Variants in ST3GAL3 observed in about 807,000 individuals in gnomAD.
ST3GAL3 encodes the protein CMP-N-acetylneuraminate-beta-1,4-galactoside alpha-2,3-sialyltransferase.
In ST3GAL3, 21 loss-of-function variants were observed where a neutral mutation model predicts 50.1. That is an observed-to-expected ratio of 0.42 (90% CI 0.30 to 0.60). The LOEUF is 0.60. Ranked by LOEUF, ST3GAL3 falls within the 20% of genes least tolerant of loss-of-function variation. The pLI is 0.19. For synonymous variants in ST3GAL3, 183 were observed against 190.0 expected (o/e 0.96, Z 0.30); for missense variants, 353 against 489.4 (o/e 0.72, Z 2.63).
At chr1:43,811,002 T>C (rs912503836) in intron 3 of ST3GAL3, among the ~76,000 whole-genome samples, 2 of 152,158 alleles carry the variant, frequency 1.3e-5, no homozygotes, top group African/African-American at 4.8e-5. Flanking sequence ...TTCCCCTGAG[T>C]TAGTGCAACC....
chr1:43,854,766 A>G (rs2068017035), intron 5 of ST3GAL3, among the ~76,000 whole-genome samples: 1 of 152,200 alleles, frequency 6.6e-6, no homozygotes, highest in African/African-American at 2.4e-5. Context: ...TTCTTATTTC[A>G]GGAAATGGCA....
intron 9 of ST3GAL3, chr1:43,914,256 C>T (rs972184627): frequency 3.3e-5 from 5 of 152,196 alleles, no homozygotes; most frequent in South Asian, 2.1e-4. Context: ...TGAAGTCAAA[C>T]GCAGCTCAGA....
Position 43,707,548 on chromosome 1 carries a change from C to T in ST3GAL3, c.-176C>T, listed in dbSNP as rs1472919895. The T allele has an allele frequency of 6.6e-6, 1 of 151,866 alleles. No homozygotes were observed. Among genetic ancestry groups the T allele is most frequent in the Non-Finnish European group, 1.5e-5 (1 of 67,992 alleles). 9.4% of individuals were successfully genotyped at this position (151,866 alleles called of 1,614,324 possible). ...CGCTCCGCCCGCCGCTGCGTCCCCACTATGGCGGCGCCCATGCAGCCCAGC... is the reference window on the plus strand; with the variant it reads ...CGCTCCGCCCGCCGCTGCGTCCCCATTATGGCGGCGCCCATGCAGCCCAGC... On this transcript the variant is annotated 5_prime_UTR_variant, in exon 1 of 12. Coordinates refer to ENST00000347631, the MANE Select transcript of ST3GAL3 (RefSeq NM_006279.5).
intron 2 of ST3GAL3, among the ~76,000 whole-genome samples, chr1:43,747,507 C>T (rs7549094): frequency 1.3e-5 from 2 of 150,228 alleles, no homozygotes; most frequent in African/African-American, 4.9e-5. Context: ...GCCACTCTCC[C>T]GCACCTCCAC....
intron 5 of ST3GAL3, among the ~76,000 whole-genome samples, chr1:43,877,204 G>A (rs539869927): frequency 6.6e-6 from 1 of 152,328 alleles, no homozygotes; most frequent in African/African-American, 2.4e-5. Flanking sequence ...GGCAGCTATA[G>A]TATTTTCCTG....
chr1:43,743,088 CAAAA>C (rs34742553), intron 2 of ST3GAL3, among the ~76,000 whole-genome samples: 4 of 108,528 alleles, frequency 3.7e-5, no homozygotes, highest in Admixed American at 1.8e-4. Flanking sequence ...GACTCCGTCT[CAAAA>C]AAAAAAAAAA....
chr1:43,858,366 A>T (rs2069035248), intron 5 of ST3GAL3: 2 of 1,215,482 alleles, frequency 1.6e-6, no homozygotes, highest in Admixed American at 2.9e-5. Flanking sequence ...TCCTTTGCAG[A>T]CCAGTTCCAG....
Position 43,767,124 on chromosome 1 carries a change from G to GT in ST3GAL3, c.119-24977dup, listed in dbSNP as rs141420449. ...CTAGATTGCGAGAGAAAGAAAAGAG[G>GT]TAGGGATACCAATAGCCACAGCACT... On this transcript the variant is annotated intron_variant, in intron 2 of 11. Coordinates refer to ENST00000347631, the MANE Select transcript of ST3GAL3 (RefSeq NM_006279.5). Among the ~76,000 whole-genome samples, 1,417 of 152,282 alleles carry GT rather than the reference G, an allele frequency of 9.3e-3. 29 individuals are homozygous for GT. Among genetic ancestry groups the GT allele is most frequent in the African/African-American group, 0.032 (1,337 of 41,548 alleles).
At chr1:43,907,285 C>T (rs1195401502) in intron 9 of ST3GAL3, among the ~76,000 whole-genome samples, 1 of 152,232 alleles carries the variant, frequency 6.6e-6, no homozygotes, top group African/African-American at 2.4e-5. Flanking sequence ...TCCCGTTCTT[C>T]AAGCACAGTC....
intron 3 of ST3GAL3, among the ~76,000 whole-genome samples, chr1:43,802,351 T>C (rs1305945225): frequency 6.6e-6 from 1 of 152,232 alleles, no homozygotes; most frequent in Non-Finnish European, 1.5e-5. Context: ...TTCTTCCTTT[T>C]CCTTAATCAA....
chr1:43,913,427 T>G (rs946237), intron 9 of ST3GAL3: 147,375 of 152,280 alleles, frequency 0.97, 71,496 homozygotes, highest in East Asian at 1. Context: ...AATGTGCCCC[T>G]GGTCACAGAG....
At chr1:43,904,372 G>A (rs1405272767) in intron 9 of ST3GAL3, among the ~76,000 whole-genome samples, 2 of 151,486 alleles carry the variant, frequency 1.3e-5, no homozygotes, top group East Asian at 2.0e-4. Context: ...TCCTGCTCCC[G>A]AGCCAGCATT....
rs748024921 is a variant in ST3GAL3, at chr1:43,838,313, TA to T, written c.302+4del. 1 of 1,613,110 alleles carries T rather than the reference TA, an allele frequency of 6.2e-7. No individual in the cohort carries two copies. The highest frequency in any genetic ancestry group is 8.5e-7 in the Non-Finnish European group (1 of 1,179,436). Reference sequence around the variant, plus strand: ...CTTGATGACGGCCATCTTCCCCCGGTAAGTGCTCCTGTTTCCCTCCACTGCC... The same window carrying T: ...CTTGATGACGGCCATCTTCCCCCGGTAGTGCTCCTGTTTCCCTCCACTGCC... On this transcript the variant is annotated splice_donor_region_variant and intron_variant, in intron 5 of 11. Transcript: ENST00000347631.
intron 1 of ST3GAL3, among the ~76,000 whole-genome samples, chr1:43,723,990 C>G (rs1219080727): frequency 6.6e-6 from 1 of 152,134 alleles, no homozygotes; most frequent in Non-Finnish European, 1.5e-5. Flanking sequence ...AAGAGGATGA[C>G]ATTGCTTTGG....
At chr1:43,861,885 G>T (rs192634744) in intron 5 of ST3GAL3, among the ~76,000 whole-genome samples, 1 of 152,112 alleles carries the variant, frequency 6.6e-6, no homozygotes, top group African/African-American at 2.4e-5. Flanking sequence ...AAAATTAGCC[G>T]GGCGTGTTGG....
intron 2 of ST3GAL3, among the ~76,000 whole-genome samples, chr1:43,749,940 T>C (rs1313801196): frequency 1.3e-5 from 2 of 152,236 alleles, no homozygotes; most frequent in African/African-American, 4.8e-5. Flanking sequence ...AAGAGAATAC[T>C]GGGGCTTTTC....
chr1:43,783,269 G>C (rs913044846), intron 2 of ST3GAL3, among the ~76,000 whole-genome samples: 1 of 152,114 alleles, frequency 6.6e-6, no homozygotes, highest in Non-Finnish European at 1.5e-5. Flanking sequence ...ACCTCTTCTG[G>C]GTTGCTGGCT....
At chr1:43,765,794 CGCGCGCG>C (rs1692580657) in intron 2 of ST3GAL3, among the ~76,000 whole-genome samples, 2 of 146,410 alleles carry the variant, frequency 1.4e-5, no homozygotes, top group African/African-American at 5.5e-5. Flanking sequence ...TGCGCGCGCG[CGCGCGCG>C]TCCGCGCGTC....
chr1:43,719,596 C>T (rs1669298648), intron 1 of ST3GAL3, among the ~76,000 whole-genome samples: 1 of 151,636 alleles, frequency 6.6e-6, no homozygotes, highest in Non-Finnish European at 1.5e-5. Context: ...ACCTGGGAGG[C>T]TGAGGTTGCA....
Sources: allele counts gnomAD v4.1 joint callset (sites outside exome capture counted in the v4.1 genomes callset), GRCh38; gene constraint gnomAD v4.1.1; transcripts MANE v1.5; gene names NCBI Gene and HGNC (gene_info 2026-07-23, HGNC 2026-07-21).